IL12RB2: variants seen among roughly 807,000 people sequenced by gnomAD.
The protein encoded by IL12RB2 is interleukin-12 receptor subunit beta-2.
IL12RB2 carries 82 observed loss-of-function variants against 89.4 expected under a neutral mutation model. The observed-to-expected ratio is 0.92, with a 90% CI of 0.77 to 1.10. IL12RB2 has a LOEUF of 1.10. IL12RB2 is among the 50% of genes least tolerant of loss of function. The pLI, the probability that IL12RB2 is intolerant of heterozygous loss-of-function variation, is 0.00. For synonymous variants in IL12RB2, 368 were observed against 370.1 expected (o/e 0.99, Z 0.07); for missense variants, 963 against 1,031.9 (o/e 0.93, Z 0.92).
chr1:67,338,795 A>T (rs17129821), intron 9 of IL12RB2, 92 bp downstream of exon 9: 4 of 758,912 alleles, frequency 5.3e-6, no homozygotes, highest in Non-Finnish European at 2.5e-6. Context: ...TGAAGCTTCA[A>T]TGATTTTGCT....
chr1:67,366,452 CAAAAAAAAA>C (rs11329710), intron 10 of IL12RB2, among the ~76,000 whole-genome samples: 1 of 53,406 alleles, frequency 1.9e-5, no homozygotes, highest in Non-Finnish European at 3.7e-5. Context: ...GACTCCATCT[CAAAAAAAAA>C]AAAAAAAAAA....
Position 67,396,268 on chromosome 1 carries a change from C to A in IL12RB2, c.*179C>A. On this transcript the variant is annotated 3_prime_UTR_variant, in exon 17 of 17. Coordinates refer to ENST00000674203, the MANE Select transcript of IL12RB2 (RefSeq NM_001374259.2). The stretch of plus-strand genomic sequence containing the variant: ...TAGGAACTGGGAGTTGGTCTTCACT[C>A]AGATGCCTCATCTTGCCTTTCCCAG... 1 of 696,612 alleles carries A rather than the reference C, an allele frequency of 1.4e-6. No individual in the cohort carries two copies. 43.2% of individuals were successfully genotyped at this position (696,612 alleles called of 1,614,324 possible).
Position 67,321,878 on chromosome 1 carries a change from T to C in IL12RB2, c.353T>C (p.Ile118Thr). ...GAAATTCAAATATGTGGAGCAGAGA[T>C]CTTCGTTGGTGGTGAGCATTCCATT... is the stretch of plus-strand genomic sequence containing the variant. ...SDEIQICGAE[I>T]FVGVAPEQPQ... The change falls in exon 4 of 17, where the codon ATC (isoleucine) becomes ACC (threonine). Residue 118 changes from isoleucine to threonine, a missense_variant. Ile to Thr is a moderately conservative substitution (Grantham distance 89). Transcript: ENST00000674203. 6.2e-7 allele frequency: 1 copy of C among 1,613,678 alleles called. No homozygotes were observed.
chr1:67,309,634 G>T (rs1432434911), intron 1 of IL12RB2, among the ~76,000 whole-genome samples: 16 of 152,120 alleles, frequency 1.1e-4, no homozygotes, highest in African/African-American at 3.9e-4. Flanking sequence ...TACATAGGCT[G>T]ATAAATTCCC....
chr1:67,341,327 G>A (rs145765645), intron 9 of IL12RB2, among the ~76,000 whole-genome samples: 45 of 152,064 alleles, frequency 3.0e-4, no homozygotes, highest in African/African-American at 1.0e-3. Flanking sequence ...ACTGAAGCAG[G>A]AGAATCCCTT....
chr1:67,336,598 A>C (rs1658797311), intron 8 of IL12RB2, among the ~76,000 whole-genome samples: 1 of 152,204 alleles, frequency 6.6e-6, no homozygotes, highest in African/African-American at 2.4e-5. Flanking sequence ...AAAAGAAGTG[A>C]ATGTTTAGAA....
At chr1:67,391,601 G>C (rs866705786) in intron 16 of IL12RB2, among the ~76,000 whole-genome samples, 1 of 149,480 alleles carries the variant, frequency 6.7e-6, no homozygotes, top group Non-Finnish European at 1.5e-5. Flanking sequence ...ATTTTCATAC[G>C]TTAACATTTA....
intron 8 of IL12RB2, among the ~76,000 whole-genome samples, chr1:67,334,324 T>C (rs1469843586): frequency 6.6e-6 from 1 of 152,242 alleles, no homozygotes; most frequent in Non-Finnish European, 1.5e-5. Context: ...TTGCGGATCA[T>C]ACGATCTGTC....
At chr1:67,344,864 GT>G in intron 9 of IL12RB2, among the ~76,000 whole-genome samples, 1 of 152,140 alleles carries the variant, frequency 6.6e-6, no homozygotes, top group South Asian at 2.1e-4. Context: ...CAGCTTCTGT[GT>G]TTTCAGAGCA....
rs143520369 is a variant in IL12RB2, at chr1:67,372,730, A to G, written c.1664A>G (p.His555Arg). The change falls in exon 13 of 17, where the codon CAT becomes CGT. Residue 555 changes from histidine (H) to arginine (R), a missense_variant. By Grantham distance (29) the His-to-Arg change is conservative. Coordinates refer to ENST00000674203, the MANE Select transcript of IL12RB2 (RefSeq NM_001374259.2). ...PVQEQMGCLLHYRIYWKERDS... is the reference protein window; with the variant it reads ...PVQEQMGCLLRYRIYWKERDS... ...CAGGAGCAAATGGGCTGCCTCCTCC[A>G]TTATAGGATATACTGGAAGGAACGG... 6 of 1,607,156 alleles carry G rather than the reference A, an allele frequency of 3.7e-6. No individual in the cohort carries two copies. In the African/African-American group the frequency reaches 6.7e-5, roughly 18 times the overall value.
At position 67,379,876 on chromosome 1, in the gene IL12RB2, G is replaced by C. The variant is rs1209080168; in HGVS notation, c.1718-110G>C. 6 of 899,206 alleles carry C rather than the reference G, an allele frequency of 6.7e-6. No homozygotes were observed. In the East Asian group the frequency reaches 1.2e-4, roughly 18 times the overall value. 55.7% of individuals were successfully genotyped at this position (899,206 alleles called of 1,614,324 possible). On this transcript the variant is annotated intron_variant, in intron 13 of 16. Coordinates refer to ENST00000674203, the MANE Select transcript of IL12RB2 (RefSeq NM_001374259.2). ...TTGGACTATTTTAAAATAGCAAAAT[G>C]CTTTTTCCTTCCAAATTAAATGAAG...
intron 13 of IL12RB2, among the ~76,000 whole-genome samples, chr1:67,378,782 G>A (rs778518300): frequency 1.7e-4 from 26 of 151,008 alleles, no homozygotes; most frequent in African/African-American, 5.9e-4. Flanking sequence ...TTCGGGAGGC[G>A]GAGGTTGCAG....
At chr1:67,353,295 C>T (rs896400606) in intron 10 of IL12RB2, among the ~76,000 whole-genome samples, 1 of 152,182 alleles carries the variant, frequency 6.6e-6, no homozygotes, top group African/African-American at 2.4e-5. Context: ...TTACAACTAG[C>T]GCGTGTCTCA....
chr1:67,345,932 T>C (rs1660165402), intron 9 of IL12RB2, among the ~76,000 whole-genome samples: 1 of 152,212 alleles, frequency 6.6e-6, no homozygotes, highest in Non-Finnish European at 1.5e-5. Flanking sequence ...TTTGCTTTCA[T>C]GAAAGTTTCT....
chr1:67,387,990 C>G (rs1162068811), intron 15 of IL12RB2, among the ~76,000 whole-genome samples: 1 of 152,100 alleles, frequency 6.6e-6, no homozygotes, highest in African/African-American at 2.4e-5. Context: ...CCAGCCTGGA[C>G]AGCATGGTGA....
chr1:67,381,948 T>G (rs1438936726), intron 14 of IL12RB2, among the ~76,000 whole-genome samples: 1 of 151,942 alleles, frequency 6.6e-6, no homozygotes, highest in Non-Finnish European at 1.5e-5. Context: ...ATCGCACCAC[T>G]GCACTCCAGC....
At chr1:67,370,228 C>A (rs185288490) in intron 11 of IL12RB2, among the ~76,000 whole-genome samples, 2 of 152,198 alleles carry the variant, frequency 1.3e-5, no homozygotes, top group East Asian at 3.9e-4. Flanking sequence ...TATTGATTTT[C>A]ACCAGCCTTT....
At chr1:67,342,618 T>C (rs1252632640) in intron 9 of IL12RB2, among the ~76,000 whole-genome samples, 1 of 152,028 alleles carries the variant, frequency 6.6e-6, no homozygotes, top group East Asian at 1.9e-4. Flanking sequence ...AATGGGTGCA[T>C]GTGTCAGTGT....
chr1:67,309,502 TC>T (rs1654736969), intron 1 of IL12RB2, among the ~76,000 whole-genome samples: 1 of 152,194 alleles, frequency 6.6e-6, no homozygotes, highest in African/African-American at 2.4e-5. Context: ...GCTAACACTT[TC>T]CTTCCCTATT....
Sources: allele counts gnomAD v4.1 joint callset (sites outside exome capture counted in the v4.1 genomes callset), GRCh38; gene constraint gnomAD v4.1.1; transcripts MANE v1.5; gene names NCBI Gene and HGNC (gene_info 2026-07-23, HGNC 2026-07-21).